Variants in PSD3 observed in about 807,000 individuals in gnomAD.
The protein encoded by PSD3 is pleckstrin and Sec7 domain containing 3, also known as PH and SEC7 domain-containing protein 3.
A neutral mutation model predicts 105.5 loss-of-function variants in PSD3; 49 were observed. The observed-to-expected ratio is 0.46, with a 90% CI of 0.37 to 0.59. PSD3 has a LOEUF of 0.59. Among genes scored for constraint, PSD3 ranks in the 20% least tolerant of loss-of-function variants. PSD3 has a pLI of 0.00. For synonymous variants in PSD3, 557 were observed against 457.8 expected, an observed-to-expected ratio of 1.22 and a Z score of -2.77; for missense variants, 1,561 against 1,263.8, an observed-to-expected ratio of 1.24 and a Z score of -3.57.
At chr8:18,691,047 G>T (rs1043142028) in intron 9 of PSD3, among the ~76,000 whole-genome samples, 2 of 151,972 alleles carry the variant, frequency 1.3e-5, no homozygotes, top group African/African-American at 4.8e-5. Flanking sequence ...CTATGAGGAC[G>T]CATCACCTCA....
intron 2 of PSD3, among the ~76,000 whole-genome samples, chr8:18,905,485 G>A (rs537767847): frequency 1.2e-4 from 18 of 152,148 alleles, no homozygotes; most frequent in Non-Finnish European, 2.1e-4. Context: ...CACCATTCCC[G>A]GATAATTTTT....
intron 9 of PSD3, among the ~76,000 whole-genome samples, chr8:18,683,210 TG>T (rs1241834486): frequency 6.6e-6 from 1 of 152,150 alleles, no homozygotes; most frequent in Non-Finnish European, 1.5e-5. Context: ...AGCACATATA[TG>T]TGTAAGGAAC....
intron 2 of PSD3, among the ~76,000 whole-genome samples, chr8:18,906,413 A>T (rs1819852363): frequency 6.6e-6 from 1 of 152,230 alleles, no homozygotes; most frequent in African/African-American, 2.4e-5. Flanking sequence ...GTCGAAGATC[A>T]TAAACATTGG....
intron 1 of PSD3, among the ~76,000 whole-genome samples, chr8:19,080,375 T>C (rs1222005254): frequency 6.6e-6 from 1 of 152,152 alleles, no homozygotes; most frequent in Admixed American, 6.5e-5. Context: ...CAGAGCTTCT[T>C]TGTTATCTTG....
intron 15 of PSD3, among the ~76,000 whole-genome samples, chr8:18,555,874 G>A (rs761049464): frequency 1.3e-5 from 2 of 152,144 alleles, no homozygotes; most frequent in African/African-American, 2.4e-5. Context: ...CAATTCTGCC[G>A]GAAGAGACAC....
At chr8:18,665,233 G>A (rs930462049) in intron 9 of PSD3, among the ~76,000 whole-genome samples, 1 of 152,182 alleles carries the variant, frequency 6.6e-6, no homozygotes, top group Non-Finnish European at 1.5e-5. Context: ...TCACCATTTT[G>A]GATGTCTTCA....
At chr8:18,589,427 T>A (rs1308360939) in intron 12 of PSD3, among the ~76,000 whole-genome samples, 1 of 152,162 alleles carries the variant, frequency 6.6e-6, no homozygotes, top group Non-Finnish European at 1.5e-5. Context: ...AAGCCTATTT[T>A]CCCAAAAAGA....
intron 14 of PSD3, among the ~76,000 whole-genome samples, chr8:18,564,980 T>C (rs17116567): frequency 0.067 from 10,254 of 152,154 alleles, 783 homozygotes; most frequent in African/African-American, 0.18. Context: ...AAAAAAGACC[T>C]AGATATCAGG....
rs575292094 is a variant in PSD3 at position 18,859,070 on chromosome 8, C to G, written c.1634+8604G>C. ...ACAATATATTCCTTCCAAAAAAGCTCAAAGTCAAAATTACTCCTCGATCCA... is the reference window on the plus strand; with the variant it reads ...ACAATATATTCCTTCCAAAAAAGCTGAAAGTCAAAATTACTCCTCGATCCA... On this transcript the variant is annotated intron_variant, in intron 4 of 15. Transcript: ENST00000327040. 2.3e-4 allele frequency among the ~76,000 whole-genome samples: 35 copies of G among 152,250 alleles called. No individual in the cohort carries two copies. The South Asian group carries it at 7.3e-3, about 32-fold the overall frequency.
chr8:18,924,927 AGACAT>A (rs1224442669), intron 2 of PSD3: 1 of 152,258 alleles, frequency 6.6e-6, no homozygotes, highest in Non-Finnish European at 1.5e-5. Context: ...ATGGTTTCTA[AGACAT>A]GACATGGGAA....
At chr8:19,076,689 T>A (rs1377544188) in intron 1 of PSD3, among the ~76,000 whole-genome samples, 1 of 152,198 alleles carries the variant, frequency 6.6e-6, no homozygotes, top group Non-Finnish European at 1.5e-5. Flanking sequence ...GTTTTTAAAT[T>A]GTTACTTTAA....
At chr8:18,582,594 TG>T (rs1449091782) in intron 12 of PSD3, among the ~76,000 whole-genome samples, 1 of 152,142 alleles carries the variant, frequency 6.6e-6, no homozygotes, top group African/African-American at 2.4e-5. Flanking sequence ...TCTGCATTTC[TG>T]GCCCCTTCAT....
chr8:18,554,932 G>A (rs73209798), intron 15 of PSD3, among the ~76,000 whole-genome samples: 16,145 of 152,088 alleles, frequency 0.11, 922 homozygotes, highest in South Asian at 0.22. Context: ...AGGTATAAAC[G>A]TGTGTTTGGG....
rs116375687 is a variant in PSD3, at chr8:18,615,672, C to T, written c.2411-15238G>A. On this transcript the variant is annotated intron_variant, in intron 11 of 15. Transcript: ENST00000327040. ...CTAGAGCAGTTTCTAGACCTTTTTA[C>T]ATACCTTTTAAGAGCAGGGTGTTAA... Among the ~76,000 whole-genome samples, 579 of 152,224 alleles carry T rather than the reference C, an allele frequency of 3.8e-3. 3 individuals carry two copies. Among genetic ancestry groups the T allele is most frequent in the African/African-American group, 0.013 (532 of 41,530 alleles).
rs191072585 is a variant in PSD3 at position 18,838,923 on chromosome 8, T to C, written c.1634+28751A>G. Among the ~76,000 whole-genome samples the C allele has an allele frequency of 2.0e-3, 307 of 151,730 alleles. 2 individuals carry two copies. The highest frequency in any genetic ancestry group is 2.8e-3 in the Non-Finnish European group (189 of 67,932). ...CATTTCAAAAGGTTTTGCCACTAGG[T>C]CTTATTTGTTTCTCAATCATCTTAA... is the stretch of plus-strand genomic sequence containing the variant. On this transcript the variant is annotated intron_variant, in intron 4 of 15. Coordinates refer to ENST00000327040, the MANE Select transcript of PSD3 (RefSeq NM_015310.4).
intron 1 of PSD3, among the ~76,000 whole-genome samples, chr8:19,023,073 C>T (rs954250084): frequency 2.0e-5 from 3 of 152,100 alleles, no homozygotes; most frequent in Admixed American, 6.6e-5. Context: ...AAGTTAATCA[C>T]CTCCATCATA....
chr8:18,894,288 C>T lies in PSD3; in HGVS notation c.131-21555G>A, dbSNP rs574484454. Among the ~76,000 whole-genome samples the T allele has an allele frequency of 6.1e-4, 93 of 152,290 alleles. 1 individual carries two copies. The highest frequency in any genetic ancestry group is 2.1e-3 in the African/African-American group (88 of 41,562). ...GTAGGCAAACAAGATGCTTACTTCA[C>T]GGGTTTTTGTAAGATTAAAATGACA... On this transcript the variant is annotated intron_variant, in intron 2 of 15. Coordinates refer to ENST00000327040, the MANE Select transcript of PSD3 (RefSeq NM_015310.4).
chr8:18,831,283 A>C (rs1160910759), intron 4 of PSD3, among the ~76,000 whole-genome samples: 1 of 152,232 alleles, frequency 6.6e-6, no homozygotes, highest in East Asian at 1.9e-4. Flanking sequence ...ATGGCTCTGA[A>C]CTTAAGTATA....
intron 9 of PSD3, among the ~76,000 whole-genome samples, chr8:18,719,717 C>T (rs920779662): frequency 6.6e-5 from 10 of 152,156 alleles, no homozygotes; most frequent in African/African-American, 2.2e-4. Flanking sequence ...TTGAGAAAGC[C>T]TGACTTGTTT....
Sources: allele counts gnomAD v4.1 joint callset (sites outside exome capture counted in the v4.1 genomes callset), GRCh38; gene constraint gnomAD v4.1.1; transcripts MANE v1.5; gene names NCBI Gene and HGNC (gene_info 2026-07-23, HGNC 2026-07-21).